RIMS2: variants seen among roughly 807,000 people sequenced by gnomAD.
The protein encoded by RIMS2 is regulating synaptic membrane exocytosis 2, also known as regulating synaptic membrane exocytosis protein 2.
A neutral mutation model predicts 174.4 loss-of-function variants in RIMS2; 59 were observed. The observed-to-expected ratio is 0.34, with a 90% CI of 0.27 to 0.42. RIMS2 has a LOEUF of 0.42. Ranked by LOEUF, RIMS2 falls within the 10% of genes least tolerant of loss-of-function variation. The pLI is 1.00. For synonymous variants in RIMS2, 606 were observed against 572.5 expected (o/e 1.06, Z -0.84); for missense variants, 1,620 against 1,666.3 (o/e 0.97, Z 0.48).
At chr8:103,993,514 G>A (rs1184645411) in intron 17 of RIMS2, among the ~76,000 whole-genome samples, 2 of 151,994 alleles carry the variant, frequency 1.3e-5, no homozygotes, top group Non-Finnish European at 2.9e-5. Context: ...TCACCAAAAA[G>A]AATAGTCTCT....
exon 17 of RIMS2, chr8:103,989,336 C>A (rs760877374): frequency 6.2e-7 from 1 of 1,612,906 alleles, no homozygotes; most frequent in Non-Finnish European, 8.5e-7. Context: ...TCGAGGGACC[C>A]GCACTATGAC....
intron 1 of RIMS2, among the ~76,000 whole-genome samples, chr8:103,534,390 AATTT>A (rs1838825619): frequency 6.6e-6 from 1 of 152,200 alleles, no homozygotes; most frequent in South Asian, 2.1e-4. Flanking sequence ...CATATTTCAA[AATTT>A]ATTTAACTGT....
chr8:104,119,049 G>A (rs72685004), intron 19 of RIMS2, among the ~76,000 whole-genome samples: 6,651 of 151,880 alleles, frequency 0.044, 176 homozygotes, highest in Middle Eastern at 0.13. Flanking sequence ...GTCCGGGCAC[G>A]GACACGTACA....
intron 19 of RIMS2, among the ~76,000 whole-genome samples, chr8:104,179,355 C>T (rs2098926603): frequency 6.6e-6 from 1 of 151,738 alleles, no homozygotes; most frequent in African/African-American, 2.4e-5. Context: ...TTTTGTAATC[C>T]CTCAATTCTT....
intron 1 of RIMS2, among the ~76,000 whole-genome samples, chr8:103,628,041 A>G (rs1039938500): frequency 6.6e-6 from 1 of 152,190 alleles, no homozygotes; most frequent in Non-Finnish European, 1.5e-5. Flanking sequence ...CAATTTCACA[A>G]TCAAGAGTTA....
intron 1 of RIMS2, among the ~76,000 whole-genome samples, chr8:103,661,512 T>G (rs1277010826): frequency 6.7e-6 from 1 of 148,748 alleles, no homozygotes; most frequent in African/African-American, 2.5e-5. Flanking sequence ...CTGTTTTTTG[T>G]TTTTTTTTTA....
At chr8:103,682,234 T>C (rs1223144970) in intron 1 of RIMS2, among the ~76,000 whole-genome samples, 1 of 152,056 alleles carries the variant, frequency 6.6e-6, no homozygotes, top group Non-Finnish European at 1.5e-5. Flanking sequence ...GTCACTTATA[T>C]ATAGGTGGAA....
chr8:103,809,435 G>T (rs887362355), intron 3 of RIMS2, among the ~76,000 whole-genome samples: 4 of 151,854 alleles, frequency 2.6e-5, no homozygotes, highest in African/African-American at 9.7e-5. Context: ...CCCTGTAAGG[G>T]CTGGATGGTG....
chr8:103,665,685 A>G (rs1221738254), intron 1 of RIMS2, among the ~76,000 whole-genome samples: 2 of 152,108 alleles, frequency 1.3e-5, no homozygotes, highest in Admixed American at 6.6e-5. Context: ...AGCTTCTTCT[A>G]TTGTATTTTC....
intron 4 of RIMS2, among the ~76,000 whole-genome samples, chr8:103,907,656 C>T (rs2074734947): frequency 6.6e-6 from 1 of 152,014 alleles, no homozygotes; most frequent in Admixed American, 6.5e-5. Flanking sequence ...AATGATCTCA[C>T]ATACTCCTGT....
intron 19 of RIMS2, among the ~76,000 whole-genome samples, chr8:104,054,495 A>G (rs1005673138): frequency 1.3e-5 from 2 of 152,126 alleles, no homozygotes; most frequent in African/African-American, 4.8e-5. Context: ...TGTTAATATC[A>G]CTTTATAAAA....
chr8:104,226,026 A>G lies in RIMS2; in HGVS notation c.3335-18890A>G, dbSNP rs147280964. On this transcript the variant is annotated intron_variant, in intron 19 of 23. Coordinates refer to ENST00000504942, the Ensembl canonical transcript of RIMS2. ...CATTGGCCTAAAGCAGTGCTTCTCTACTTCCTTTTTTTTCTTTTGAGACAC... is the reference window on the plus strand; with the variant it reads ...CATTGGCCTAAAGCAGTGCTTCTCTGCTTCCTTTTTTTTCTTTTGAGACAC... Among the ~76,000 whole-genome samples the G allele has an allele frequency of 3.3e-3, 499 of 152,278 alleles. 4 individuals are homozygous for G. In the Middle Eastern group the frequency reaches 0.054, roughly 17 times the overall value.
chr8:103,899,408 C>T lies in RIMS2; in HGVS notation c.1625-10726C>T, dbSNP rs552097677. On this transcript the variant is annotated intron_variant, in intron 4 of 23. Transcript: ENST00000504942. Reference sequence around the variant, plus strand: ...GTTGTTTCCTGACTTTTTAAATGATCGCCATTCTAACTGGCATGAGATGGT... The same window carrying T: ...GTTGTTTCCTGACTTTTTAAATGATTGCCATTCTAACTGGCATGAGATGGT... Among the ~76,000 whole-genome samples the T allele has an allele frequency of 2.6e-4, 40 of 151,754 alleles. 2 individuals carry two copies. The East Asian group carries it at 7.0e-3, about 26-fold the overall frequency.
chr8:104,019,172 TG>T (rs1452547992), intron 19 of RIMS2, among the ~76,000 whole-genome samples: 1 of 152,164 alleles, frequency 6.6e-6, no homozygotes, highest in African/African-American at 2.4e-5. Context: ...CACTCCAGCC[TG>T]GGCAGCAGAG....
chr8:104,039,895 GTAATT>G (rs2096580468), intron 19 of RIMS2, among the ~76,000 whole-genome samples: 1 of 151,548 alleles, frequency 6.6e-6, no homozygotes. Context: ...AGTATGATTT[GTAATT>G]TAATTGTGAT....
chr8:103,910,131 C>A (rs1421403755), intron 4 of RIMS2, 190 bp from the exon 8 acceptor site: 1 of 1,599,036 alleles, frequency 6.3e-7, no homozygotes, highest in Non-Finnish European at 8.6e-7. Context: ...CTGACTCTCA[C>A]AGGAGACATG....
At chr8:103,910,576 C>T (rs747205380) in intron 5 of RIMS2, 47 bp downstream of exon 8, 30 of 1,121,852 alleles carry the variant, frequency 2.7e-5, no homozygotes, top group Admixed American at 5.6e-5. Context: ...ATTTGGTCTT[C>T]GTTTGCTCTC....
intron 3 of RIMS2, among the ~76,000 whole-genome samples, chr8:103,820,241 G>A (rs931618033): frequency 4.2e-4 from 64 of 152,108 alleles, no homozygotes; most frequent in African/African-American, 1.5e-3. Flanking sequence ...ATATCTCTCA[G>A]ATGGTTTCTC....
exon 14 of RIMS2, chr8:103,942,850 A>G: frequency 8.1e-6 from 13 of 1,613,240 alleles, no homozygotes; most frequent in African/African-American, 1.3e-5. Context: ...ATGTCTCTTC[A>G]TTGCCACTTC....
Sources: allele counts gnomAD v4.1 joint callset (sites outside exome capture counted in the v4.1 genomes callset), GRCh38; gene constraint gnomAD v4.1.1; transcripts MANE v1.5; gene names NCBI Gene and HGNC (gene_info 2026-07-23, HGNC 2026-07-21).